FAM241A: variants seen among roughly 807,000 people sequenced by gnomAD.
The protein encoded by FAM241A is family with sequence similarity 241 member A.
Under a neutral mutation model 12.2 loss-of-function variants are expected in FAM241A, and 7 were observed. That is an observed-to-expected ratio of 0.58 (90% CI 0.33 to 1.08). The LOEUF (loss-of-function observed/expected upper bound fraction) is 1.08. Ranked by LOEUF, FAM241A falls within the 50% of genes least tolerant of loss-of-function variation. FAM241A has a pLI of 0.04. For synonymous variants in FAM241A, 74 were observed against 68.2 expected, an observed-to-expected ratio of 1.08 and a Z score of -0.42; for missense variants, 161 against 169.7, an observed-to-expected ratio of 0.95 and a Z score of 0.29.
intron 1 of FAM241A, among the ~76,000 whole-genome samples, chr4:112,152,833 G>A (rs1023998820): frequency 8.6e-5 from 13 of 152,044 alleles, no homozygotes; most frequent in East Asian, 1.9e-4. Context: ...TACTTAATCC[G>A]TCAGAGATTC....
intron 1 of FAM241A, among the ~76,000 whole-genome samples, chr4:112,146,665 CCTCAT>C (rs550345163): frequency 9.2e-4 from 140 of 152,324 alleles, no homozygotes; most frequent in African/African-American, 3.1e-3. Flanking sequence ...ACCTGTCTCT[CCTCAT>C]CTTTCTTCAT....
In FAM241A at chr4:112,188,301, C is replaced by T. The variant is rs1394926270; in HGVS notation, c.*1363C>T. On this transcript the variant is annotated 3_prime_UTR_variant, in exon 2 of 2. Coordinates refer to ENST00000309733, the MANE Select transcript of FAM241A (RefSeq NM_152400.3). ...ACAAGTAAAACATGTAGAGTGCTTG[C>T]TATCCCACTTCATAAAGCTTTTACC... The T allele has an allele frequency of 6.6e-6, 1 of 152,118 alleles. No homozygotes were observed. The highest frequency in any genetic ancestry group is 1.5e-5 in the Non-Finnish European group (1 of 67,972). The allele number at this position is 152,118 out of a possible 1,614,324, so 9.4% of individuals were successfully genotyped here. A position where few individuals can be genotyped will look rare whatever the true frequency, so the allele number is the denominator to read the frequency against.
intron 1 of FAM241A, among the ~76,000 whole-genome samples, chr4:112,161,982 C>T (rs1465097940): frequency 6.6e-6 from 1 of 152,196 alleles, no homozygotes; most frequent in Non-Finnish European, 1.5e-5. Context: ...GGCTTCATCC[C>T]TGGCATGCAA....
intron 1 of FAM241A, among the ~76,000 whole-genome samples, chr4:112,153,847 A>G (rs892690852): frequency 2.0e-5 from 3 of 152,244 alleles, no homozygotes; most frequent in Non-Finnish European, 2.9e-5. Flanking sequence ...TAAAATTATC[A>G]TTAATACTTA....
At chr4:112,162,682 A>G (rs1002263173) in intron 1 of FAM241A, among the ~76,000 whole-genome samples, 33 of 152,232 alleles carry the variant, frequency 2.2e-4, no homozygotes, top group Non-Finnish European at 8.8e-5. Context: ...ATGGAAGAAC[A>G]TTCCATGCTC....
At position 112,145,567 on chromosome 4, in the gene FAM241A, G is replaced by A; in HGVS notation, c.-14G>A. 8.0e-7 allele frequency: 1 copy of A among 1,247,674 alleles called. No individual in the cohort carries two copies. Among genetic ancestry groups the A allele is most frequent in the Non-Finnish European group, 1.0e-6 (1 of 994,538 alleles). 77.3% of individuals were successfully genotyped at this position (1,247,674 alleles called of 1,614,324 possible). A position where few individuals can be genotyped will look rare whatever the true frequency, so the allele number is the denominator to read the frequency against. On this transcript the variant is annotated 5_prime_UTR_variant, in exon 1 of 2. Transcript: ENST00000309733. ...CTCCGGCGGCTGTCCGGGGCGGTAG[G>A]AGTTGGCTGCGGGATGTGCTCAGCC...
intron 1 of FAM241A, among the ~76,000 whole-genome samples, chr4:112,177,744 G>A (rs988091574): frequency 6.6e-6 from 1 of 152,080 alleles, no homozygotes; most frequent in Non-Finnish European, 1.5e-5. Context: ...TCATCTGTAC[G>A]TATTAGTGTC....
chr4:112,148,511 G>A (rs961800073), intron 1 of FAM241A, among the ~76,000 whole-genome samples: 17 of 152,274 alleles, frequency 1.1e-4, no homozygotes, highest in African/African-American at 4.1e-4. Context: ...CAGGTAGGGC[G>A]ATTGACAAAG....
At chr4:112,152,282 GA>G (rs1484668050) in intron 1 of FAM241A, among the ~76,000 whole-genome samples, 1 of 152,090 alleles carries the variant, frequency 6.6e-6, no homozygotes, top group Non-Finnish European at 1.5e-5. Context: ...CATCTAATAG[GA>G]AAAGGCCAGG....
chr4:112,146,631 G>T (rs1400754092), intron 1 of FAM241A, among the ~76,000 whole-genome samples: 1 of 152,180 alleles, frequency 6.6e-6, no homozygotes, highest in Non-Finnish European at 1.5e-5. Flanking sequence ...CTTTATTACA[G>T]CCTGTACTGT....
At chr4:112,161,824 C>G (rs1723476968) in intron 1 of FAM241A, among the ~76,000 whole-genome samples, 1 of 152,156 alleles carries the variant, frequency 6.6e-6, no homozygotes, top group Admixed American at 6.5e-5. Flanking sequence ...CCAGCATCAT[C>G]TTGATACCAA....
intron 1 of FAM241A, among the ~76,000 whole-genome samples, chr4:112,173,966 A>G (rs1414601893): frequency 6.6e-6 from 1 of 152,222 alleles, no homozygotes; most frequent in Admixed American, 6.5e-5. Flanking sequence ...TCCAAGAACC[A>G]TCCTCAAGGT....
intron 1 of FAM241A, among the ~76,000 whole-genome samples, chr4:112,152,080 A>G (rs974882999): frequency 6.6e-6 from 1 of 152,222 alleles, no homozygotes; most frequent in Non-Finnish European, 1.5e-5. Context: ...TCTTGTTCCT[A>G]AGGACATCCA....
chr4:112,145,730 G>A lies in FAM241A; in HGVS notation c.150G>A (p.Glu50=). Residue 50 remains glutamate, a synonymous_variant, in exon 1 of 2, where the codon GAG becomes GAA. Coordinates refer to ENST00000309733, the MANE Select transcript of FAM241A (RefSeq NM_152400.3). ...GCGGACAGCGGCCGAAGGAGAGCGA[G>A]CAGGTGAGCGCGGGGAGGGGCGGCG... ...RRRGQRPKES[E]QDVEDSQNHT... 1 of 1,192,070 alleles carries A rather than the reference G, an allele frequency of 8.4e-7. No homozygotes were observed. The highest frequency in any genetic ancestry group is 1.0e-6 in the Non-Finnish European group (1 of 962,378). 73.8% of individuals were successfully genotyped at this position (1,192,070 alleles called of 1,614,324 possible).
chr4:112,163,324 T>C lies in FAM241A; in HGVS notation c.153+17591T>C, dbSNP rs1276899919. Among the ~76,000 whole-genome samples, 3 of 152,084 alleles carry C rather than the reference T, an allele frequency of 2.0e-5. No individual in the cohort carries two copies. The East Asian group carries it at 5.8e-4, about 29-fold the overall frequency. ...ATTGACAAATGGGATCTAATTAAAC[T>C]AAAGAGCTTCTGCACAGCAAAAGAA... On this transcript the variant is annotated intron_variant, in intron 1 of 1. Coordinates refer to ENST00000309733, the MANE Select transcript of FAM241A (RefSeq NM_152400.3).
chr4:112,147,908 C>T (rs1174359177), intron 1 of FAM241A, among the ~76,000 whole-genome samples: 4 of 152,060 alleles, frequency 2.6e-5, no homozygotes, highest in African/African-American at 9.7e-5. Flanking sequence ...TTGGCACGCT[C>T]ACTTCGTGTT....
intron 1 of FAM241A, among the ~76,000 whole-genome samples, chr4:112,175,508 C>T (rs115534971): frequency 8.5e-5 from 13 of 152,094 alleles, no homozygotes; most frequent in African/African-American, 2.7e-4. Context: ...TGGCTCACAC[C>T]GGTACTCCCA....
At position 112,188,689 on chromosome 4, in the gene FAM241A, CA is replaced by C. The variant is rs1335036823; in HGVS notation, c.*1752del. On this transcript the variant is annotated 3_prime_UTR_variant, in exon 2 of 2. Coordinates refer to ENST00000309733, the MANE Select transcript of FAM241A (RefSeq NM_152400.3). The stretch of plus-strand genomic sequence containing the variant: ...TGTATATCTACATAAAATATCAGTA[CA>C]TTTTTTTCTAATGCTACTGGAAATT... The C allele has an allele frequency of 1.3e-5, 2 of 152,076 alleles. No individual in the cohort carries two copies. Among genetic ancestry groups the C allele is most frequent in the Non-Finnish European group, 2.9e-5 (2 of 67,994 alleles). The allele number at this position is 152,076 out of a possible 1,614,324, so 9.4% of individuals were successfully genotyped here.
In FAM241A at chr4:112,192,143, T is replaced by C. The variant is rs1308706070; in HGVS notation, c.*5205T>C. ...TTCTGATAAAAGAATACTGCTGTTA[T>C]TTGGATACATACACAGTATTTCCAC... On this transcript the variant is annotated 3_prime_UTR_variant, in exon 2 of 2. Coordinates refer to ENST00000309733, the MANE Select transcript of FAM241A (RefSeq NM_152400.3). 9 of 152,180 alleles carry C rather than the reference T, an allele frequency of 5.9e-5. No individual in the cohort carries two copies. The allele number at this position is 152,180 out of a possible 1,614,324, so 9.4% of individuals were successfully genotyped here.
Sources: allele counts gnomAD v4.1 joint callset (sites outside exome capture counted in the v4.1 genomes callset), GRCh38; gene constraint gnomAD v4.1.1; transcripts MANE v1.5; gene names NCBI Gene and HGNC (gene_info 2026-07-23, HGNC 2026-07-21).